UBR3: variants seen among roughly 807,000 people sequenced by gnomAD.
UBR3 encodes E3 ubiquitin-protein ligase UBR3.
Under a neutral mutation model 243.2 loss-of-function variants are expected in UBR3, and 85 were observed. The observed-to-expected ratio is 0.35, with a 90% confidence interval of 0.29 to 0.42. The LOEUF (loss-of-function observed/expected upper bound fraction) is 0.42. Among genes scored for constraint, UBR3 ranks in the 10% least tolerant of loss-of-function variants. The pLI is 1.00. For synonymous variants in UBR3, 748 were observed against 799.8 expected (o/e 0.94, Z 1.09); for missense variants, 1,686 against 2,300.8 (o/e 0.73, Z 5.47).
intron 1 of UBR3, among the ~76,000 whole-genome samples, chr2:169,851,723 A>G (rs941404488): frequency 6.6e-6 from 1 of 150,906 alleles, no homozygotes; most frequent in African/African-American, 2.4e-5. Context: ...AACTAGTACT[A>G]GTGACTCAGG....
At chr2:170,035,469 T>C (rs184881633) in intron 31 of UBR3, among the ~76,000 whole-genome samples, 1 of 152,140 alleles carries the variant, frequency 6.6e-6, no homozygotes, top group African/African-American at 2.4e-5. Context: ...GTCAGTTGAC[T>C]ATAATTATGT....
intron 31 of UBR3, among the ~76,000 whole-genome samples, chr2:170,031,989 GT>G (rs2090684681): frequency 6.6e-6 from 1 of 152,128 alleles, no homozygotes; most frequent in Non-Finnish European, 1.5e-5. Flanking sequence ...GTACATGCAA[GT>G]ACATGTGTCT....
At chr2:169,853,751 A>AT (rs1236386506) in intron 1 of UBR3, among the ~76,000 whole-genome samples, 2 of 147,994 alleles carry the variant, frequency 1.4e-5, no homozygotes, top group Non-Finnish European at 3.0e-5. Flanking sequence ...CCCCTGGCCC[A>AT]TTTTTTTCTT....
chr2:169,829,673 C>T (rs1181361582), intron 1 of UBR3, among the ~76,000 whole-genome samples: 2 of 152,180 alleles, frequency 1.3e-5, no homozygotes, highest in Non-Finnish European at 2.9e-5. Flanking sequence ...GATCCGCCCG[C>T]GTCGGCCTCC....
chr2:169,908,021 C>T (rs2085086481), intron 10 of UBR3, among the ~76,000 whole-genome samples: 1 of 152,184 alleles, frequency 6.6e-6, no homozygotes, highest in Non-Finnish European at 1.5e-5. Context: ...ATCTGCCCAC[C>T]TCAGCCTATA....
intron 35 of UBR3, among the ~76,000 whole-genome samples, chr2:170,062,372 A>G (rs1024815961): frequency 6.6e-6 from 1 of 152,210 alleles, no homozygotes; most frequent in Non-Finnish European, 1.5e-5. Flanking sequence ...CCTGAAGTAC[A>G]TCAGAATTAA....
intron 30 of UBR3, among the ~76,000 whole-genome samples, chr2:170,018,716 A>G (rs2090313043): frequency 6.6e-6 from 1 of 152,216 alleles, no homozygotes; most frequent in African/African-American, 2.4e-5. Context: ...AGTGAGGTTT[A>G]GAGTTTTTGT....
At chr2:169,844,610 C>T (rs76981565) in intron 1 of UBR3, among the ~76,000 whole-genome samples, 8,217 of 151,758 alleles carry the variant, frequency 0.054, 406 homozygotes, top group African/African-American at 0.13. Context: ...TCTTCCTCCT[C>T]AGCCTCCCCA....
chr2:170,061,215 G>C (rs570952266), intron 34 of UBR3, 29 bp downstream of exon 34: 83 of 1,580,208 alleles, frequency 5.3e-5, no homozygotes, highest in Non-Finnish European at 6.4e-5. Context: ...CAGATGTAGC[G>C]GTTATTTAGT....
chr2:169,926,870 C>T lies in UBR3; in HGVS notation c.2237C>T (p.Ser746Leu), dbSNP rs1256181686. 1 of 1,549,732 alleles carries T rather than the reference C, an allele frequency of 6.5e-7. No individual in the cohort carries two copies. Among genetic ancestry groups the T allele is most frequent in the Non-Finnish European group, 8.7e-7 (1 of 1,145,606 alleles). The part of the protein sequence containing the change: ...FKVVDLLTMA[S>L]QHQNTVLDAE... ...GTAGTGGATTTGTTGACAATGGCAT[C>T]ACAACATCAAAATACAGTACTTGAT... is the stretch of plus-strand genomic sequence containing the variant. Residue 746 changes from serine to leucine, a missense_variant, in exon 16 of 39, where the codon TCA becomes TTA. Physicochemically the swap from Ser to Leu is moderately radical, Grantham distance 145. Coordinates refer to ENST00000272793, the MANE Select transcript of UBR3 (RefSeq NM_172070.4).
At chr2:169,950,857 C>T (rs1297767622) in intron 23 of UBR3, among the ~76,000 whole-genome samples, 1 of 149,948 alleles carries the variant, frequency 6.7e-6, no homozygotes, top group Non-Finnish European at 1.5e-5. Context: ...GCATAATTGT[C>T]AAACTCTTGG....
At chr2:169,924,489 C>T (rs931111919) in intron 13 of UBR3, among the ~76,000 whole-genome samples, 8 of 152,014 alleles carry the variant, frequency 5.3e-5, no homozygotes, top group African/African-American at 7.2e-5. Context: ...TTTTATTTTC[C>T]GCAAGGTTTA....
At chr2:169,941,435 A>G (rs1407582798) in intron 19 of UBR3, among the ~76,000 whole-genome samples, 5 of 152,250 alleles carry the variant, frequency 3.3e-5, no homozygotes, top group Non-Finnish European at 2.9e-5. Flanking sequence ...ATGGCATCCA[A>G]TTGAAAACCT....
At chr2:170,042,432 T>G (rs955558757) in intron 32 of UBR3, among the ~76,000 whole-genome samples, 37 of 152,102 alleles carry the variant, frequency 2.4e-4, no homozygotes, top group African/African-American at 8.7e-4. Flanking sequence ...TGAACATTCA[T>G]ATAGAAGTTT....
intron 26 of UBR3, among the ~76,000 whole-genome samples, chr2:169,994,756 T>C (rs375261700): frequency 3.3e-5 from 5 of 152,344 alleles, no homozygotes; most frequent in African/African-American, 1.2e-4. Flanking sequence ...TTTGTTATAA[T>C]GTTGATGAGA....
chr2:170,055,346 A>T, intron 32 of UBR3, 114 bp from the exon 33 acceptor site: 1 of 1,232,568 alleles, frequency 8.1e-7, no homozygotes, highest in Non-Finnish European at 1.1e-6. Context: ...AAAACTATTA[A>T]GTGTTGAAAA....
intron 28 of UBR3, 104 bp from the exon 29 acceptor site, chr2:170,008,700 A>T: frequency 1.6e-6 from 1 of 609,882 alleles, no homozygotes; most frequent in Non-Finnish European, 2.6e-6. Flanking sequence ...TTGACTTTTT[A>T]ATTTTAATTT....
In UBR3 at chr2:170,074,233, T is replaced by TG. The variant is rs1191114803; in HGVS notation, c.5199+627dup. Among the ~76,000 whole-genome samples, 3 of 152,256 alleles carry TG rather than the reference T, an allele frequency of 2.0e-5. No homozygotes were observed. The East Asian group carries it at 5.8e-4, about 29-fold the overall frequency. On this transcript the variant is annotated intron_variant, in intron 36 of 38. Transcript: ENST00000272793. ...GGGAAGCCAGAAAATATTTAGGTGGTGAAAAAAATCTAGACTATTTTTCTG... is the reference window on the plus strand; with the variant it reads ...GGGAAGCCAGAAAATATTTAGGTGGTGGAAAAAAATCTAGACTATTTTTCTG...
rs770539845 is a variant in UBR3 at position 170,015,348 on chromosome 2, G to A, written c.4435G>A (p.Gly1479Ser). 3.1e-6 allele frequency: 5 copies of A among 1,611,444 alleles called. No individual in the cohort carries two copies. In the South Asian group the frequency reaches 5.5e-5, roughly 18 times the overall value. Residue 1479 changes from glycine (G) to serine (S), a missense_variant, in exon 30 of 39, where the codon GGC becomes AGC. Coordinates refer to ENST00000272793, the MANE Select transcript of UBR3 (RefSeq NM_172070.4). ...GTGTTCAGGTGGTGCAAGCACAGCT[G>A]GCAAAAGGTCTTGTTTAAGTAAGTA... ...NLCSGGASTA[G>S]KRSCLNQLFH...
Sources: allele counts gnomAD v4.1 joint callset (sites outside exome capture counted in the v4.1 genomes callset), GRCh38; gene constraint gnomAD v4.1.1; transcripts MANE v1.5; gene names NCBI Gene and HGNC (gene_info 2026-07-23, HGNC 2026-07-21).